The following MGAT4C variants were observed in gnomAD, a reference collection of about 807,000 sequenced individuals.
MGAT4C encodes alpha-1,3-mannosyl-glycoprotein 4-beta-N-acetylglucosaminyltransferase C.
MGAT4C carries 19 observed loss-of-function variants against 40.1 expected under a neutral mutation model. The ratio of observed to expected loss-of-function variants is 0.47; its 90% CI spans 0.33 to 0.70. The LOEUF (loss-of-function observed/expected upper bound fraction) is 0.70, where lower values mean the gene tolerates loss of function less well. Among genes scored for constraint, MGAT4C ranks in the 30% least tolerant of loss-of-function variants. MGAT4C has a pLI of 0.02. For synonymous variants in MGAT4C, 181 were observed against 187.1 expected (o/e 0.97, Z 0.27); for missense variants, 491 against 563.2 (o/e 0.87, Z 1.30).
intron 3 of MGAT4C, among the ~76,000 whole-genome samples, chr12:86,394,485 T>C (rs1258078277): frequency 7.1e-6 from 1 of 141,258 alleles, no homozygotes; most frequent in Non-Finnish European, 1.5e-5. Flanking sequence ...TTTTTATATA[T>C]ATACTTTATA....
At chr12:86,510,629 T>C (rs1422598715) in intron 2 of MGAT4C, among the ~76,000 whole-genome samples, 1 of 151,704 alleles carries the variant, frequency 6.6e-6, no homozygotes, top group Non-Finnish European at 1.5e-5. Context: ...AGGCTCAAAA[T>C]AAAGGGATGG....
At chr12:86,721,452 T>C (rs1046034058) in intron 2 of MGAT4C, among the ~76,000 whole-genome samples, 3 of 152,122 alleles carry the variant, frequency 2.0e-5, no homozygotes, top group South Asian at 4.2e-4. Flanking sequence ...CTAGCGCAAT[T>C]CATCTGGCTC....
At chr12:86,388,722 C>T (rs942609945) in intron 3 of MGAT4C, among the ~76,000 whole-genome samples, 8 of 138,742 alleles carry the variant, frequency 5.8e-5, no homozygotes, top group African/African-American at 2.3e-4. Context: ...GCTCTTGTTG[C>T]CCAGGCTGGA....
chr12:86,478,615 C>A (rs548234809), intron 2 of MGAT4C, among the ~76,000 whole-genome samples: 19 of 152,050 alleles, frequency 1.2e-4, no homozygotes, highest in Non-Finnish European at 2.6e-4. Flanking sequence ...CTTTAAATAT[C>A]TAAGTCAGTT....
chr12:86,159,722 A>T (rs1278801206), intron 1 of MGAT4C, among the ~76,000 whole-genome samples: 1 of 152,054 alleles, frequency 6.6e-6, no homozygotes, highest in Non-Finnish European at 1.5e-5. Context: ...ATACTGGTCT[A>T]TTCAGGGTTT....
At chr12:86,540,701 A>T (rs992397831) in intron 2 of MGAT4C, among the ~76,000 whole-genome samples, 1 of 152,070 alleles carries the variant, frequency 6.6e-6, no homozygotes, top group Non-Finnish European at 1.5e-5. Context: ...GCACCACTGC[A>T]CTCCAGCCTG....
intron 2 of MGAT4C, chr12:86,022,690 CAG>C (rs1441474002): frequency 6.6e-6 from 1 of 152,522 alleles, no homozygotes; most frequent in Non-Finnish European, 1.5e-5. Flanking sequence ...GCCTGAGTGA[CAG>C]AGTGAGACCC....
At chr12:86,015,506 T>C (rs1889001405) in intron 2 of MGAT4C, among the ~76,000 whole-genome samples, 1 of 152,184 alleles carries the variant, frequency 6.6e-6, no homozygotes, top group South Asian at 2.1e-4. Context: ...CTGAAGTTTA[T>C]ACAGATTAAG....
At chr12:86,155,992 G>A (rs1884884321) in intron 1 of MGAT4C, among the ~76,000 whole-genome samples, 1 of 152,124 alleles carries the variant, frequency 6.6e-6, no homozygotes, top group East Asian at 1.9e-4. Flanking sequence ...ACAGCATATT[G>A]CCCTGTAAAA....
intron 1 of MGAT4C, among the ~76,000 whole-genome samples, chr12:86,760,654 T>C (rs1951388950): frequency 6.6e-6 from 1 of 152,098 alleles, no homozygotes; most frequent in Non-Finnish European, 1.5e-5. Context: ...AGTTCCACAA[T>C]GTTCCAGCTC....
At chr12:86,770,180 A>G (rs1565978457) in intron 1 of MGAT4C, among the ~76,000 whole-genome samples, 2 of 152,190 alleles carry the variant, frequency 1.3e-5, no homozygotes, top group East Asian at 3.9e-4. Context: ...TTCTATGAAC[A>G]ATTAGGTGGA....
chr12:86,351,532 T>C (rs1047243041), intron 3 of MGAT4C, among the ~76,000 whole-genome samples: 1 of 152,008 alleles, frequency 6.6e-6, no homozygotes, highest in Non-Finnish European at 1.5e-5. Context: ...AACATAATTA[T>C]TGCCAGTAAG....
chr12:86,755,610 CTT>C (rs1951292044), intron 1 of MGAT4C, among the ~76,000 whole-genome samples: 1 of 145,998 alleles, frequency 6.8e-6, no homozygotes, highest in Non-Finnish European at 1.5e-5. Flanking sequence ...CTCTCTCTCT[CTT>C]TCTTTCTCTC....
chr12:86,536,888 A>T (rs1959079715), intron 2 of MGAT4C, among the ~76,000 whole-genome samples: 1 of 152,246 alleles, frequency 6.6e-6, no homozygotes, highest in African/African-American at 2.4e-5. Context: ...AAAGGATTAT[A>T]AATCATGCTG....
At chr12:86,032,396 C>T (rs551002978) in intron 2 of MGAT4C, among the ~76,000 whole-genome samples, 1 of 150,468 alleles carries the variant, frequency 6.6e-6, no homozygotes, top group Non-Finnish European at 1.5e-5. Context: ...TACAAGCGTT[C>T]CCTTTTCTCT....
At chr12:86,187,168 G>C (rs863392) in intron 1 of MGAT4C, among the ~76,000 whole-genome samples, 100,286 of 151,774 alleles carry the variant, frequency 0.66, 33,577 homozygotes, top group South Asian at 0.75. Context: ...TTTATTAGGT[G>C]ATATGTATCA....
At chr12:86,314,352 C>T (rs995344639) in intron 4 of MGAT4C, among the ~76,000 whole-genome samples, 1 of 152,076 alleles carries the variant, frequency 6.6e-6, no homozygotes, top group Non-Finnish European at 1.5e-5. Context: ...GTCAAGAGAT[C>T]GAGACCATCC....
intron 2 of MGAT4C, among the ~76,000 whole-genome samples, chr12:86,603,202 A>G (rs1037004396): frequency 2.1e-5 from 3 of 145,522 alleles, no homozygotes; most frequent in Admixed American, 1.4e-4. Context: ...TTCTATATAG[A>G]ATAATACTAT....
chr12:86,436,986 T>A (rs1307667184), intron 2 of MGAT4C, among the ~76,000 whole-genome samples: 1 of 151,744 alleles, frequency 6.6e-6, no homozygotes, highest in African/African-American at 2.4e-5. Flanking sequence ...AAGCTAAATA[T>A]CTCCACTTTA....
Sources: gnomAD v4.1 joint callset for allele counts (sites outside exome capture counted in the v4.1 genomes callset) on GRCh38, gnomAD v4.1.1 for gene constraint, MANE v1.5 for transcripts, NCBI Gene and HGNC (gene_info 2026-07-23, HGNC 2026-07-21) for gene names.